Variants in SNX5 observed in about 807,000 individuals in gnomAD.
SNX5 encodes the protein sorting nexin-5.
In SNX5, 31 loss-of-function variants were observed where a neutral mutation model predicts 53.9. That is an observed-to-expected ratio of 0.58 (90% CI 0.43 to 0.78). The LOEUF (loss-of-function observed/expected upper bound fraction) is 0.78, where lower values mean the gene tolerates loss of function less well. SNX5 is among the 30% of genes least tolerant of loss of function. SNX5 has a pLI of 0.00. For missense variants in SNX5, 471 were observed against 478.8 expected (o/e 0.98, Z 0.15); for synonymous variants, 168 against 171.1 (o/e 0.98, Z 0.14).
At chr20:17,950,043 C>G in intron 8 of SNX5, 89 bp downstream of exon 8, 1 of 1,090,974 alleles carries the variant, frequency 9.2e-7, no homozygotes, top group Non-Finnish European at 1.4e-6. Flanking sequence ...AGAGCAGGAC[C>G]ATGTAGTCAC....
At chr20:17,945,476 G>A (rs547983696) in intron 11 of SNX5, 1 of 152,188 alleles carries the variant, frequency 6.6e-6, no homozygotes, top group Non-Finnish European at 1.5e-5. Flanking sequence ...AGGCAGTAAA[G>A]GTAGACCTGA....
chr20:17,963,910 TC>T (rs1040055832), intron 1 of SNX5, among the ~76,000 whole-genome samples: 10 of 77,124 alleles, frequency 1.3e-4, no homozygotes, highest in African/African-American at 5.2e-4. Flanking sequence ...TTTCTTTCAC[TC>T]TTGAGTTTGA....
chr20:17,960,430 C>T (rs2035427982), intron 1 of SNX5, among the ~76,000 whole-genome samples: 1 of 152,138 alleles, frequency 6.6e-6, no homozygotes, highest in African/African-American at 2.4e-5. Flanking sequence ...CCCGTCTCTA[C>T]CAAAAATACA....
At chr20:17,950,442 T>C (rs963609834) in intron 6 of SNX5, 46 bp from the exon 7 acceptor site, 2 of 1,056,110 alleles carry the variant, frequency 1.9e-6, no homozygotes, top group African/African-American at 3.2e-5. Flanking sequence ...AAATATACTA[T>C]CCCTGCAGCC....
intron 1 of SNX5, chr20:17,967,696 T>C (rs1462566529): frequency 5.8e-6 from 1 of 172,030 alleles, no homozygotes; most frequent in Non-Finnish European, 1.2e-5. Flanking sequence ...CGTCTGAATC[T>C]TTAATTGGCT....
At chr20:17,963,823 G>C (rs1274153664) in intron 1 of SNX5, among the ~76,000 whole-genome samples, 2 of 152,232 alleles carry the variant, frequency 1.3e-5, no homozygotes, top group Non-Finnish European at 2.9e-5. Context: ...CTGCCTGTTT[G>C]AACTTAACCT....
chr20:17,967,343 C>CA (rs11471715), intron 1 of SNX5, among the ~76,000 whole-genome samples: 4,442 of 146,706 alleles, frequency 0.03, 182 homozygotes, highest in East Asian at 0.12. Context: ...AAAGAACTTT[C>CA]AAAAAAAAAA....
intron 1 of SNX5, among the ~76,000 whole-genome samples, chr20:17,962,360 C>T (rs2035469815): frequency 6.6e-6 from 1 of 151,820 alleles, no homozygotes; most frequent in Non-Finnish European, 1.5e-5. Flanking sequence ...GCCCACCACC[C>T]CACCCAGCTA....
chr20:17,949,269 G>A (rs1470711210), intron 8 of SNX5, among the ~76,000 whole-genome samples, 166 bp from the exon 9 acceptor site: 2 of 152,128 alleles, frequency 1.3e-5, no homozygotes, highest in African/African-American at 2.4e-5. Context: ...AAATAGTAGA[G>A]AAAATGGTCA....
At chr20:17,961,725 C>T (rs546950134) in intron 1 of SNX5, 2 of 985,386 alleles carry the variant, frequency 2.0e-6, no homozygotes, top group East Asian at 1.1e-4. Flanking sequence ...ACTATCTGTT[C>T]CTAGCCTCTA....
intron 1 of SNX5, 92 bp from the exon 2 acceptor site, chr20:17,957,129 A>G: frequency 1.3e-6 from 1 of 781,044 alleles, no homozygotes; most frequent in Non-Finnish European, 2.3e-6. Flanking sequence ...CAGTTTATAC[A>G]TAGATCATTT....
chr20:17,941,797 TTA>T lies in SNX5; in HGVS notation c.*558_*559del, dbSNP rs1491406291. ...TAGATATTTCTCTCCCCTCAAATAT[TTA>T]TATCTCGACTAAAAAAAGGAGGTGC... On this transcript the variant is annotated 3_prime_UTR_variant, in exon 13 of 13. Transcript: ENST00000377759. 1 of 152,564 alleles carries T rather than the reference TTA, an allele frequency of 6.6e-6. No homozygotes were observed. Among genetic ancestry groups the T allele is most frequent in the Non-Finnish European group, 1.5e-5 (1 of 68,384 alleles). 9.5% of individuals were successfully genotyped at this position (152,564 alleles called of 1,614,324 possible).
At chr20:17,958,238 C>T (rs779612772) in intron 1 of SNX5, among the ~76,000 whole-genome samples, 5 of 152,098 alleles carry the variant, frequency 3.3e-5, no homozygotes, top group African/African-American at 4.8e-5. Flanking sequence ...ACCCAAAGCA[C>T]GGAATGCCAA....
intron 1 of SNX5, among the ~76,000 whole-genome samples, chr20:17,960,299 A>C (rs1332333386): frequency 6.6e-6 from 1 of 152,048 alleles, no homozygotes; most frequent in Middle Eastern, 3.2e-3. Flanking sequence ...CGTCTCTACT[A>C]AAAATACAAA....
At chr20:17,963,262 C>T (rs1213792311) in intron 1 of SNX5, among the ~76,000 whole-genome samples, 1 of 151,968 alleles carries the variant, frequency 6.6e-6, no homozygotes, top group Non-Finnish European at 1.5e-5. Context: ...GGAGGATCGC[C>T]CGCGGCCAGG....
chr20:17,964,944 G>T (rs1273533164), intron 1 of SNX5, among the ~76,000 whole-genome samples: 1 of 152,208 alleles, frequency 6.6e-6, no homozygotes, highest in Non-Finnish European at 1.5e-5. Context: ...AGAACCTGCT[G>T]AAGAAAACCA....
chr20:17,947,688 C>T, intron 10 of SNX5, 43 bp from the exon 11 acceptor site: 3 of 1,544,188 alleles, frequency 1.9e-6, no homozygotes, highest in Non-Finnish European at 2.6e-6. Flanking sequence ...GTATCTAAAC[C>T]AGTCTAAAAA....
At chr20:17,966,931 G>A (rs1405300880) in intron 1 of SNX5, among the ~76,000 whole-genome samples, 2 of 152,118 alleles carry the variant, frequency 1.3e-5, no homozygotes, top group East Asian at 1.9e-4. Flanking sequence ...ACGCGTCAGG[G>A]TAATTATTTA....
chr20:17,951,989 C>T (rs753639025), intron 5 of SNX5, among the ~76,000 whole-genome samples: 9 of 152,296 alleles, frequency 5.9e-5, no homozygotes, highest in Non-Finnish European at 1.2e-4. Context: ...TTTGGGAGGC[C>T]AAGGCGGGCG....
Sources: allele counts gnomAD v4.1 joint callset (sites outside exome capture counted in the v4.1 genomes callset), GRCh38; gene constraint gnomAD v4.1.1; transcripts MANE v1.5; gene names NCBI Gene and HGNC (gene_info 2026-07-23, HGNC 2026-07-21).